EFCAB11: variants seen among roughly 807,000 people sequenced by gnomAD.
EFCAB11 encodes the protein EF-hand calcium-binding domain-containing protein 11.
EFCAB11 carries 14 observed loss-of-function variants against 23.0 expected under a neutral mutation model. That is an observed-to-expected ratio of 0.61 (90% CI 0.40 to 0.95). The LOEUF (loss-of-function observed/expected upper bound fraction) is 0.95. Among genes scored for constraint, EFCAB11 ranks in the 40% least tolerant of loss-of-function variants. The probability of loss-of-function intolerance (pLI) is 0.00; values close to 1 mark genes in which losing one functional copy is unlikely to be tolerated. For synonymous variants in EFCAB11, 65 were observed against 66.6 expected, an observed-to-expected ratio of 0.98 and a Z score of 0.11; for missense variants, 198 against 195.8, an observed-to-expected ratio of 1.01 and a Z score of -0.07.
At chr14:89,812,946 AAAAC>A (rs2140091508) in intron 5 of EFCAB11, among the ~76,000 whole-genome samples, 1 of 152,354 alleles carries the variant, frequency 6.6e-6, no homozygotes, top group African/African-American at 2.4e-5. Context: ...ATAATAAAAG[AAAAC>A]AATAAGCTGG....
chr14:89,901,375 T>G (rs1438123877), intron 5 of EFCAB11, among the ~76,000 whole-genome samples: 1 of 152,192 alleles, frequency 6.6e-6, no homozygotes, highest in African/African-American at 2.4e-5. Context: ...AAAAGATAGG[T>G]GCTCACTAAT....
intron 5 of EFCAB11, among the ~76,000 whole-genome samples, chr14:89,816,970 C>A (rs1321546053): frequency 6.6e-6 from 1 of 151,862 alleles, no homozygotes; most frequent in Non-Finnish European, 1.5e-5. Flanking sequence ...GTATTTAATA[C>A]ACATTTATTG....
At chr14:89,889,074 T>C (rs577440690) in intron 5 of EFCAB11, among the ~76,000 whole-genome samples, 1 of 152,168 alleles carries the variant, frequency 6.6e-6, no homozygotes, top group East Asian at 1.9e-4. Context: ...GAAAAGCCTA[T>C]GAGATCAGGA....
intron 2 of EFCAB11, chr14:89,952,563 C>G (rs975721302): frequency 1.0e-6 from 1 of 985,310 alleles, no homozygotes; most frequent in Non-Finnish European, 1.2e-6. Flanking sequence ...AACTAGGCAG[C>G]CCCTCATAGC....
intron 5 of EFCAB11, among the ~76,000 whole-genome samples, chr14:89,928,583 T>G (rs72697356): frequency 0.079 from 11,918 of 151,392 alleles, 715 homozygotes; most frequent in South Asian, 0.21. Flanking sequence ...TTTGTTTTCT[T>G]AAATTATTAT....
At chr14:89,947,544 C>T (rs1053522694) in intron 3 of EFCAB11, among the ~76,000 whole-genome samples, 3 of 152,210 alleles carry the variant, frequency 2.0e-5, no homozygotes, top group African/African-American at 7.2e-5. Flanking sequence ...ATGCCTCTTG[C>T]TAAAGTCATC....
intron 5 of EFCAB11, among the ~76,000 whole-genome samples, chr14:89,923,045 T>C (rs1471657092): frequency 6.6e-6 from 1 of 152,202 alleles, no homozygotes; most frequent in Non-Finnish European, 1.5e-5. Flanking sequence ...TCCAATCTAA[T>C]AATATATCCT....
chr14:89,879,583 C>T (rs1242053340), intron 5 of EFCAB11, among the ~76,000 whole-genome samples: 1 of 151,916 alleles, frequency 6.6e-6, no homozygotes, highest in African/African-American at 2.4e-5. Flanking sequence ...CAATTACTTA[C>T]AAATATATAC....
At chr14:89,816,709 G>T (rs1193624705) in intron 5 of EFCAB11, among the ~76,000 whole-genome samples, 2 of 152,052 alleles carry the variant, frequency 1.3e-5, no homozygotes, top group Non-Finnish European at 2.9e-5. Context: ...AGAGGGTCTT[G>T]CCACGGTGAA....
At chr14:89,943,775 A>G (rs1596469434) in intron 3 of EFCAB11, among the ~76,000 whole-genome samples, 1 of 152,170 alleles carries the variant, frequency 6.6e-6, no homozygotes. Flanking sequence ...ATTTCTTGCT[A>G]GGCTATTTTA....
chr14:89,924,798 C>T lies in EFCAB11; in HGVS notation c.410+6743G>A, dbSNP rs145109154. The T allele has an allele frequency of 1.3e-3, 1,395 of 1,098,894 alleles. 1 individual carries two copies. The highest frequency in any genetic ancestry group is 1.6e-3 in the Non-Finnish European group (1,258 of 781,570). The allele number at this position is 1,098,894 out of a possible 1,614,324, so 68.1% of individuals were successfully genotyped here. A position where few individuals can be genotyped will look rare whatever the true frequency, so the allele number is the denominator to read the frequency against. ...GCTCCTGACTGCATTTTAAAGGACT[C>T]TTTCCTAGTTTATGAGAAATAAATT... On this transcript the variant is annotated intron_variant, in intron 5 of 5. Coordinates refer to ENST00000316738, the MANE Select transcript of EFCAB11 (RefSeq NM_145231.4).
intron 5 of EFCAB11, among the ~76,000 whole-genome samples, chr14:89,871,768 C>T (rs540870793): frequency 2.6e-5 from 4 of 152,212 alleles, no homozygotes; most frequent in Non-Finnish European, 5.9e-5. Context: ...GCAATTTACA[C>T]CTTTTCCCCC....
chr14:89,922,971 G>A (rs745514432), intron 5 of EFCAB11, among the ~76,000 whole-genome samples: 20 of 152,156 alleles, frequency 1.3e-4, no homozygotes, highest in Non-Finnish European at 2.6e-4. Context: ...TATCCGGATG[G>A]GTTTAACATG....
At chr14:89,817,531 T>A (rs1469725395) in intron 5 of EFCAB11, among the ~76,000 whole-genome samples, 1 of 151,774 alleles carries the variant, frequency 6.6e-6, no homozygotes, top group Non-Finnish European at 1.5e-5. Flanking sequence ...TAAAAAAAAA[T>A]TATAAATATA....
Position 89,919,360 on chromosome 14 carries a change from G to A in EFCAB11, c.410+12181C>T, listed in dbSNP as rs553132863. On this transcript the variant is annotated intron_variant, in intron 5 of 5. Transcript: ENST00000316738. ...CACCTGAGCCCACTTAACAGTGCAG[G>A]CCCTGCAGTATGGGTCAGAACAAAG... 1.4e-4 allele frequency among the ~76,000 whole-genome samples: 22 copies of A among 152,324 alleles called. No individual in the cohort carries two copies. In the East Asian group the frequency reaches 3.7e-3, roughly 25 times the overall value.
chr14:89,913,017 G>A (rs1337863204), intron 5 of EFCAB11, among the ~76,000 whole-genome samples: 2 of 152,206 alleles, frequency 1.3e-5, no homozygotes, highest in Non-Finnish European at 2.9e-5. Context: ...TTTTTAGTGG[G>A]GAACAAACTC....
At chr14:89,815,615 G>A (rs147329298) in intron 5 of EFCAB11, among the ~76,000 whole-genome samples, 2,646 of 152,030 alleles carry the variant, frequency 0.017, 53 homozygotes, top group African/African-American at 0.056. Flanking sequence ...CAGTAGAGAC[G>A]GGGTTTCACC....
chr14:89,841,468 T>A (rs1289171965), intron 5 of EFCAB11, among the ~76,000 whole-genome samples: 2 of 150,932 alleles, frequency 1.3e-5, no homozygotes, highest in Non-Finnish European at 2.9e-5. Flanking sequence ...CAGTCTGCTA[T>A]CCTCTCTCCC....
At chr14:89,948,162 C>T in intron 3 of EFCAB11, among the ~76,000 whole-genome samples, 1 of 152,156 alleles carries the variant, frequency 6.6e-6, no homozygotes, top group East Asian at 1.9e-4. Flanking sequence ...CTGTGATAAA[C>T]ATATTTATAA....
Sources: gnomAD v4.1 joint callset for allele counts (sites outside exome capture counted in the v4.1 genomes callset) on GRCh38, gnomAD v4.1.1 for gene constraint, MANE v1.5 for transcripts, NCBI Gene and HGNC (gene_info 2026-07-23, HGNC 2026-07-21) for gene names.